Variants in BICRAL observed in about 807,000 individuals in gnomAD.
The protein encoded by BICRAL is BRD4-interacting chromatin-remodeling complex-associated protein-like.
In BICRAL, 8 loss-of-function variants were observed where a neutral mutation model predicts 91.8. The observed-to-expected ratio is 0.09, with a 90% CI of 0.05 to 0.16. BICRAL has a LOEUF of 0.16. BICRAL is among the 10% of genes least tolerant of loss of function. BICRAL has a pLI of 1.00. For synonymous variants in BICRAL, 445 were observed against 491.1 expected, an observed-to-expected ratio of 0.91 and a Z score of 1.24; for missense variants, 1,038 against 1,310.9, an observed-to-expected ratio of 0.79 and a Z score of 3.21.
At chr6:42,746,663 C>T (rs1300778913), upstream of BICRAL, among the ~76,000 whole-genome samples, 1 of 151,978 alleles carries the variant, frequency 6.6e-6, no homozygotes, top group Non-Finnish European at 1.5e-5. Flanking sequence ...TTCCCTTCCA[C>T]CACCCCTTCC....
chr6:42,762,677 G>A (rs1762569486), intron 1 of BICRAL, among the ~76,000 whole-genome samples: 1 of 152,174 alleles, frequency 6.6e-6, no homozygotes, highest in Admixed American at 6.5e-5. Context: ...AGCTGGGTGT[G>A]GTAGACACAC....
intron 1 of BICRAL, among the ~76,000 whole-genome samples, chr6:42,808,879 T>C (rs1763781595): frequency 6.6e-6 from 1 of 152,098 alleles, no homozygotes; most frequent in African/African-American, 2.4e-5. Flanking sequence ...AATGTCAGTA[T>C]CCAAAACAAG....
intron 6 of BICRAL, among the ~76,000 whole-genome samples, chr6:42,843,171 C>T (rs932066837): frequency 4.6e-5 from 6 of 129,254 alleles, no homozygotes; most frequent in African/African-American, 1.5e-4. Flanking sequence ...GTATTTTAAG[C>T]ATGTGCTAGG....
intron 1 of BICRAL, among the ~76,000 whole-genome samples, chr6:42,755,206 A>G (rs2079374603): frequency 6.6e-6 from 1 of 152,092 alleles, no homozygotes; most frequent in African/African-American, 2.4e-5. Context: ...ATGTTGAGCA[A>G]ATACTTGGAG....
chr6:42,801,715 C>T (rs897745953), intron 1 of BICRAL, among the ~76,000 whole-genome samples: 19 of 151,832 alleles, frequency 1.3e-4, no homozygotes, highest in Non-Finnish European at 1.2e-4. Flanking sequence ...AACCCTGTCT[C>T]TACTAAACAT....
intron 1 of BICRAL, among the ~76,000 whole-genome samples, chr6:42,751,138 G>A (rs184843376): frequency 1.4e-5 from 2 of 147,358 alleles, no homozygotes; most frequent in East Asian, 4.0e-4. Context: ...TTTAGTTATT[G>A]TGTCCCTTAA....
At chr6:42,778,348 G>C (rs1762831110), upstream of BICRAL, among the ~76,000 whole-genome samples, 1 of 152,172 alleles carries the variant, frequency 6.6e-6, no homozygotes, top group Non-Finnish European at 1.5e-5. Context: ...TCTCCTGTCT[G>C]CCCTTATTAG....
chr6:42,789,578 A>G (rs960270090), intron 1 of BICRAL, among the ~76,000 whole-genome samples: 11 of 151,130 alleles, frequency 7.3e-5, no homozygotes, highest in African/African-American at 2.2e-4. Context: ...GAAGGCAGAC[A>G]TTGGAGTGAG....
intron 1 of BICRAL, among the ~76,000 whole-genome samples, chr6:42,786,832 A>T (rs1763116581): frequency 6.6e-6 from 1 of 152,196 alleles, no homozygotes; most frequent in African/African-American, 2.4e-5. Context: ...TGGTTGTTAG[A>T]CTGGAGAGAA....
chr6:42,857,034 C>G, intron 9 of BICRAL, 57 bp from the exon 10 acceptor site: 1 of 1,415,122 alleles, frequency 7.1e-7, no homozygotes, highest in South Asian at 1.2e-5. Context: ...ATAAATATGA[C>G]TAGATTTAAT....
chr6:42,855,858 G>C lies in BICRAL; in HGVS notation c.2049G>C (p.Val683=). Residue 683 remains valine (V), a splice_region_variant and synonymous_variant, in exon 9 of 13, where the codon GTG becomes GTC. Transcript: ENST00000314073. ...TAAGAGGTTTGTTTTGTCTTTAGGT[G>C]GAGAGTCATTCGGGAGGACAAAAAA... The part of the protein sequence containing the change: ...GSSPGHPAVQ[V]ESHSGGQKRP... The C allele has an allele frequency of 6.2e-7, 1 of 1,612,208 alleles. No individual in the cohort carries two copies. Among genetic ancestry groups the C allele is most frequent in the Non-Finnish European group, 8.5e-7 (1 of 1,178,378 alleles).
At chr6:42,783,140 G>T (rs1376006721) in intron 1 of BICRAL, among the ~76,000 whole-genome samples, 1 of 151,276 alleles carries the variant, frequency 6.6e-6, no homozygotes, top group Non-Finnish European at 1.5e-5. Flanking sequence ...CCCCGTTCCC[G>T]CTCCCGCTCC....
At chr6:42,771,563 G>C (rs1483510330) in intron 1 of BICRAL, among the ~76,000 whole-genome samples, 2 of 152,108 alleles carry the variant, frequency 1.3e-5, no homozygotes, top group African/African-American at 2.4e-5. Context: ...CTATTTGCTT[G>C]CAAGTATCTA....
chr6:42,810,950 C>T (rs7770321), intron 2 of BICRAL, among the ~76,000 whole-genome samples: 207 of 152,254 alleles, frequency 1.4e-3, no homozygotes, highest in African/African-American at 4.4e-3. Flanking sequence ...TTCCTTCTCC[C>T]TTTCTCCTAT....
At chr6:42,853,522 A>G in intron 7 of BICRAL, 116 bp from the exon 8 acceptor site, 1 of 715,444 alleles carries the variant, frequency 1.4e-6, no homozygotes, top group Non-Finnish European at 2.5e-6. Flanking sequence ...AGCAGCCATG[A>G]TAAAGAAACC....
intron 1 of BICRAL, among the ~76,000 whole-genome samples, chr6:42,754,638 T>C (rs542833413): frequency 6.1e-4 from 93 of 152,370 alleles, no homozygotes; most frequent in African/African-American, 2.2e-3. Flanking sequence ...ATGCCTGTAA[T>C]GCCAGCACTT....
At chr6:42,775,433 A>T (rs1762793747) in intron 1 of BICRAL, among the ~76,000 whole-genome samples, 1 of 152,166 alleles carries the variant, frequency 6.6e-6, no homozygotes, top group Non-Finnish European at 1.5e-5. Flanking sequence ...CCACTCCCCC[A>T]TCCTCCTGAG....
chr6:42,814,499 G>GTGTGTGTGTA (rs374054837), intron 2 of BICRAL, among the ~76,000 whole-genome samples: 7 of 61,266 alleles, frequency 1.1e-4, no homozygotes, highest in African/African-American at 5.5e-4. Context: ...GTGTGTGTGT[G>GTGTGTGTGTA]TATATATATA....
intron 6 of BICRAL, among the ~76,000 whole-genome samples, chr6:42,849,119 CCTT>C (rs1404923844): frequency 2.0e-5 from 3 of 152,140 alleles, no homozygotes; most frequent in South Asian, 4.1e-4. Context: ...TCTTTAATAA[CCTT>C]CTGTCACCTG....
Sources: allele counts gnomAD v4.1 joint callset (sites outside exome capture counted in the v4.1 genomes callset), GRCh38; gene constraint gnomAD v4.1.1; transcripts MANE v1.5; gene names NCBI Gene and HGNC (gene_info 2026-07-23, HGNC 2026-07-21).